Variants in ABCB8 observed in about 807,000 individuals in gnomAD.
ABCB8 encodes the protein mitochondrial potassium channel ATP-binding subunit.
ABCB8 carries 52 observed loss-of-function variants against 73.0 expected under a neutral mutation model. The ratio of observed to expected loss-of-function variants is 0.71; its 90% CI spans 0.57 to 0.90. The LOEUF (loss-of-function observed/expected upper bound fraction) is 0.90. ABCB8 is among the 40% of genes least tolerant of loss of function. The pLI is 0.00. For missense variants in ABCB8, 909 were observed against 974.6 expected (o/e 0.93, Z 0.90); for synonymous variants, 428 against 423.5 (o/e 1.01, Z -0.13).
chr7:151,028,839 AG>A (rs1796051355), intron 1 of ABCB8: 1 of 1,552,052 alleles, frequency 6.4e-7, no homozygotes, highest in Non-Finnish European at 8.7e-7. Flanking sequence ...AGCCAGAAGG[AG>A]GGGACGCTCG....
chr7:151,040,482 G>A lies in ABCB8; in HGVS notation c.1252-16G>A, dbSNP rs975012862. ...CTACTCCTGCCTCCCTGCGGACTTT[G>A]GATCCCCTCCCACAGGTGGTCCGGG... On this transcript the variant is annotated splice_polypyrimidine_tract_variant and intron_variant, in intron 10 of 15. Transcript: ENST00000358849. 6.2e-7 allele frequency: 1 copy of A among 1,603,048 alleles called. No homozygotes were observed. The highest frequency in any genetic ancestry group is 1.3e-5 in the African/African-American group (1 of 74,644).
At position 151,041,115 on chromosome 7, in the gene ABCB8, T is replaced by C; in HGVS notation, c.1500T>C (p.Ala500=). The C allele has an allele frequency of 6.2e-7, 1 of 1,613,550 alleles. No homozygotes were observed. ...ATTCCCCAGGAAAGACCACCGTGGC[T>C]TCCCTGCTGGAGCGCTTCTACGACC... ...GQSGGGKTTV[A]SLLERFYDPT... is the part of the protein sequence containing the mutation. Residue 500 remains alanine, a synonymous_variant, in exon 13 of 16, where the codon GCT becomes GCC. Coordinates refer to ENST00000358849, the MANE Select transcript of ABCB8 (RefSeq NM_007188.5).
Position 151,034,736 on chromosome 7 carries a change from C to T in ABCB8, c.672C>T (p.Thr224=), listed in dbSNP as rs746004231. The T allele has an allele frequency of 5.0e-6, 8 of 1,614,042 alleles. No individual in the cohort carries two copies. Among genetic ancestry groups the T allele is most frequent in the East Asian group, 2.2e-5 (1 of 44,878 alleles). Residue 224 remains threonine (T), a synonymous_variant, in exon 5 of 16, where the codon ACC becomes ACT. Transcript: ENST00000358849. ...TGTCCCATGCCAGACAAGACATCAC[C>T]TTCTTTGACGCCAATAAGACAGGGC... ...LFSSLLRQDI[T]FFDANKTGQL...
chr7:151,031,444 T>G, intron 1 of ABCB8: 1 of 1,055,566 alleles, frequency 9.5e-7, no homozygotes, highest in South Asian at 1.7e-5. Flanking sequence ...AAGACTGCAA[T>G]TAGAAGGGTC....
At position 151,042,236 on chromosome 7, in the gene ABCB8, G is replaced by A. The variant is rs542441963; in HGVS notation, c.1765+128G>A. On this transcript the variant is annotated intron_variant, in intron 14 of 15. Coordinates refer to ENST00000358849, the MANE Select transcript of ABCB8 (RefSeq NM_007188.5). ...CTGGGGAGAAAGACAGTTGTGTCAG[G>A]GAAGACGAGAACCACAGCCAAAGGG... 5 of 1,403,342 alleles carry A rather than the reference G, an allele frequency of 3.6e-6. No homozygotes were observed. In the East Asian group the frequency reaches 9.3e-5, roughly 26 times the overall value. The allele number at this position is 1,403,342 out of a possible 1,614,324, so 86.9% of individuals were successfully genotyped here.
intron 8 of ABCB8, 28 bp downstream of exon 8, chr7:151,036,198 G>A (rs779935327): frequency 6.4e-7 from 1 of 1,574,066 alleles, no homozygotes; most frequent in South Asian, 1.2e-5. Context: ...GGGCTGGAGG[G>A]GCGCTTGTGG....
chr7:151,029,333 C>T (rs1796078119), intron 1 of ABCB8, among the ~76,000 whole-genome samples: 2 of 150,718 alleles, frequency 1.3e-5, no homozygotes, highest in Non-Finnish European at 2.9e-5. Context: ...AATCTAGTAA[C>T]TTGTACATGT....
intron 1 of ABCB8, chr7:151,031,264 C>A: frequency 6.4e-7 from 1 of 1,555,260 alleles, no homozygotes; most frequent in Non-Finnish European, 8.6e-7. Context: ...AATGGGAAAA[C>A]TGGACAGTTA....
chr7:151,044,643 C>T (rs567069578), intron 15 of ABCB8, among the ~76,000 whole-genome samples: 54 of 152,182 alleles, frequency 3.5e-4, no homozygotes, highest in Admixed American at 6.5e-4. Context: ...ACTCTGGAGG[C>T]GGAGGCGGGA....
intron 9 of ABCB8, chr7:151,038,654 T>G (rs1796375458): frequency 6.6e-6 from 1 of 151,712 alleles, no homozygotes; most frequent in Non-Finnish European, 1.5e-5. Flanking sequence ...CCACTTCCCC[T>G]TTAGGGCCTG....
At chr7:151,032,739 G>C (rs912689905) in intron 1 of ABCB8, 4 of 278,464 alleles carry the variant, frequency 1.4e-5, no homozygotes, top group South Asian at 1.1e-4. Flanking sequence ...ATCGATGTTA[G>C]CATTTTATAG....
At chr7:151,029,580 G>A (rs1796096587) in intron 1 of ABCB8, 1 of 142,986 alleles carries the variant, frequency 7.0e-6, no homozygotes, top group African/African-American at 2.6e-5. Context: ...GGTCTCGACT[G>A]ACTGCAACCT....
rs750287884 is a variant in ABCB8 at position 151,036,186 on chromosome 7, G to A, written c.1111+16G>A. ...GCCTTCAACTGTGAGTGAGCCATTT[G>A]GGGGCTGGAGGGGCGCTTGTGGGCT... On this transcript the variant is annotated intron_variant, in intron 8 of 15. Coordinates refer to ENST00000358849, the MANE Select transcript of ABCB8 (RefSeq NM_007188.5). 1 of 1,589,022 alleles carries A rather than the reference G, an allele frequency of 6.3e-7. No homozygotes were observed. The highest frequency in any genetic ancestry group is 8.6e-7 in the Non-Finnish European group (1 of 1,163,542).
chr7:151,028,639 G>A (rs1350907556), intron 1 of ABCB8, 29 bp downstream of exon 1: 3 of 1,602,748 alleles, frequency 1.9e-6, no homozygotes, highest in Non-Finnish European at 2.5e-6. Context: ...ACTCAGAGCG[G>A]GCCATTGACC....
intron 1 of ABCB8, among the ~76,000 whole-genome samples, chr7:151,030,909 C>T (rs1303853534): frequency 6.6e-6 from 1 of 152,198 alleles, no homozygotes; most frequent in Non-Finnish European, 1.5e-5. Context: ...CACTGCTCTC[C>T]AGCCGGGGCA....
rs1167170020 is a variant in ABCB8, at chr7:151,034,424, T to G, written c.560T>G (p.Val187Gly). The change falls in exon 3 of 16, where the codon GTC becomes GGC. Residue 187 changes from valine (V) to glycine (G), a missense_variant. By Grantham distance (109) the Val-to-Gly change is moderately radical. Transcript: ENST00000358849. ...LSTHLLILYG[V>G]QGLLTFGYLV... The stretch of plus-strand genomic sequence containing the variant: ...ACCCACCTGCTTATCCTCTATGGTG[T>G]CCAGGTACAGCCGGGAGTGGGGCTG... 1 of 1,613,828 alleles carries G rather than the reference T, an allele frequency of 6.2e-7. No homozygotes were observed. The highest frequency in any genetic ancestry group is 8.5e-7 in the Non-Finnish European group (1 of 1,180,000).
At chr7:151,042,669 G>A (rs764814653) in intron 14 of ABCB8, among the ~76,000 whole-genome samples, 29 of 152,348 alleles carry the variant, frequency 1.9e-4, no homozygotes, top group East Asian at 5.8e-4. Context: ...CTTGACGTGC[G>A]GAGCTCCCAG....
intron 1 of ABCB8, among the ~76,000 whole-genome samples, chr7:151,030,463 C>T (rs1294085529): frequency 1.3e-5 from 2 of 151,292 alleles, no homozygotes; most frequent in African/African-American, 2.4e-5. Context: ...TGCAGTGAGC[C>T]GAGATTGTGC....
At position 151,035,898 on chromosome 7, in the gene ABCB8, G is replaced by A. The variant is rs373829198; in HGVS notation, c.944G>A (p.Gly315Asp). ...TCCTTGCAGATCGCCAGGGCAATGG[G>A]CGTAGCAGACGAGGCCCTGGGCAAT... is the stretch of plus-strand genomic sequence containing the variant. Reference protein sequence around the residue: ...QCQEQIARAMGVADEALGNVR... With the variant: ...QCQEQIARAMDVADEALGNVR... Residue 315 changes from glycine (G) to aspartate (D), a missense_variant, in exon 7 of 16, where the codon GGC becomes GAC. Coordinates refer to ENST00000358849, the MANE Select transcript of ABCB8 (RefSeq NM_007188.5). 6.2e-6 allele frequency: 10 copies of A among 1,613,576 alleles called. No individual in the cohort carries two copies. The highest frequency in any genetic ancestry group is 3.3e-4 in the Middle Eastern group (2 of 6,062).
Sources: gnomAD v4.1 joint callset for allele counts (sites outside exome capture counted in the v4.1 genomes callset) on GRCh38, gnomAD v4.1.1 for gene constraint, MANE v1.5 for transcripts, NCBI Gene and HGNC (gene_info 2026-07-23, HGNC 2026-07-21) for gene names.